RBFOX1: variants seen among roughly 807,000 people sequenced by gnomAD.
RBFOX1 encodes RNA binding protein fox-1 homolog 1.
In RBFOX1, 8 loss-of-function variants were observed where a neutral mutation model predicts 57.7. That is an observed-to-expected ratio of 0.14 (90% CI 0.08 to 0.25). RBFOX1 has a LOEUF of 0.25. Among genes scored for constraint, RBFOX1 ranks in the 10% least tolerant of loss-of-function variants. The pLI is 1.00. For missense variants in RBFOX1, 611 were observed against 548.5 expected (o/e 1.11, Z -1.14); for synonymous variants, 326 against 222.4 (o/e 1.47, Z -4.15).
rs181379322 is a variant in RBFOX1, at chr16:7,096,784, T to C, written c.27+44686T>C. ...CTATCTCTAGTAAAAATACAAAAAT[T>C]AGTTGGGAGTGATGGCTCTCCCCTG... On this transcript the variant is annotated intron_variant, in intron 4 of 15. Coordinates refer to ENST00000550418, the MANE Select transcript of RBFOX1 (RefSeq NM_018723.4). 5.3e-5 allele frequency among the ~76,000 whole-genome samples: 8 copies of C among 151,616 alleles called. No individual in the cohort carries two copies. The East Asian group carries it at 9.7e-4, about 18-fold the overall frequency.
intron 4 of RBFOX1, among the ~76,000 whole-genome samples, chr16:7,080,235 G>C (rs2058982863): frequency 5.9e-5 from 9 of 151,980 alleles, no homozygotes. Context: ...ACTGACCTCT[G>C]ATTTCATGCA....
intron 4 of RBFOX1, among the ~76,000 whole-genome samples, chr16:7,433,781 G>T (rs527543910): frequency 1.1e-3 from 171 of 152,100 alleles, no homozygotes; most frequent in African/African-American, 3.5e-3. Flanking sequence ...TATCCATCCA[G>T]CCAGCCAGCC....
At chr16:6,737,741 T>A (rs757256557) in intron 3 of RBFOX1, among the ~76,000 whole-genome samples, 1 of 152,178 alleles carries the variant, frequency 6.6e-6, no homozygotes. Context: ...AAATGATATA[T>A]GGGATTTAAA....
At position 5,317,135 on chromosome 16, in the gene RBFOX1, T is replaced by C. The variant is rs572153608; in HGVS notation, c.219+77030T>C. Among the ~76,000 whole-genome samples the C allele has an allele frequency of 1.1e-4, 17 of 152,268 alleles. No homozygotes were observed. In the East Asian group the frequency reaches 3.1e-3, roughly 28 times the overall value. On this transcript the variant is annotated intron_variant, in intron 1 of 2. Transcript: ENST00000585867. Reference sequence around the variant, plus strand: ...CTGGTTTTCCAGCATGTAGACAGCCTGTTGTGAGTCTTCTCAGCCTTTATA... The same window carrying C: ...CTGGTTTTCCAGCATGTAGACAGCCCGTTGTGAGTCTTCTCAGCCTTTATA...
chr16:6,229,427 A>G (rs2097441984), intron 1 of RBFOX1, among the ~76,000 whole-genome samples: 1 of 151,130 alleles, frequency 6.6e-6, no homozygotes, highest in African/African-American at 2.4e-5. Flanking sequence ...TACAGTTTCC[A>G]CCCTCCCTTT....
intron 1 of RBFOX1, among the ~76,000 whole-genome samples, chr16:5,324,873 A>T (rs2064519977): frequency 6.6e-6 from 1 of 152,176 alleles, no homozygotes; most frequent in Non-Finnish European, 1.5e-5. Flanking sequence ...ATCATTTACT[A>T]GACTTAGTGG....
intron 5 of RBFOX1, among the ~76,000 whole-genome samples, chr16:7,568,882 CAAAAAAAAA>C (rs34858992): frequency 1.3e-5 from 1 of 77,534 alleles, no homozygotes; most frequent in Non-Finnish European, 2.3e-5. Flanking sequence ...GACTCTGTCT[CAAAAAAAAA>C]AAAAAAAAAA....
At chr16:5,559,165 CAAAAAAA>C (rs35531242) in intron 2 of RBFOX1, among the ~76,000 whole-genome samples, 9 of 65,384 alleles carry the variant, frequency 1.4e-4, no homozygotes, top group South Asian at 1.2e-3. Context: ...CCCCCCCAGG[CAAAAAAA>C]AAAAAAAAAA....
chr16:7,257,036 A>C (rs2094716655), intron 4 of RBFOX1, among the ~76,000 whole-genome samples: 1 of 152,132 alleles, frequency 6.6e-6, no homozygotes, highest in Admixed American at 6.6e-5. Flanking sequence ...ACCCTCCTGG[A>C]GAATGGGATG....
chr16:6,416,410 A>G (rs2093625818), intron 2 of RBFOX1, among the ~76,000 whole-genome samples: 1 of 152,192 alleles, frequency 6.6e-6, no homozygotes, highest in Non-Finnish European at 1.5e-5. Flanking sequence ...CACAATGATG[A>G]GCAGGACAAA....
At chr16:6,081,856 CCTTGT>C (rs530239366) in intron 1 of RBFOX1, among the ~76,000 whole-genome samples, 5 of 152,118 alleles carry the variant, frequency 3.3e-5, no homozygotes, top group Non-Finnish European at 7.3e-5. Context: ...GAGTCCTAGT[CCTTGT>C]AATTGAGCCC....
intron 2 of RBFOX1, among the ~76,000 whole-genome samples, chr16:5,473,873 A>G (rs1240057427): frequency 1.4e-5 from 2 of 141,522 alleles, no homozygotes; most frequent in Admixed American, 1.4e-4. Flanking sequence ...GGATGGAAAG[A>G]CAGATGTAAG....
At chr16:5,485,754 A>G (rs1435006463) in intron 2 of RBFOX1, among the ~76,000 whole-genome samples, 1 of 152,234 alleles carries the variant, frequency 6.6e-6, no homozygotes, top group African/African-American at 2.4e-5. Context: ...AACACCGTCC[A>G]GAACTTCAAA....
intron 4 of RBFOX1, among the ~76,000 whole-genome samples, chr16:7,309,470 G>C (rs1391162381): frequency 6.6e-6 from 1 of 152,168 alleles, no homozygotes; most frequent in African/African-American, 2.4e-5. Flanking sequence ...CTGCCATTTT[G>C]AGGCAGTTTC....
chr16:7,655,808 T>C (rs1330328614), intron 12 of RBFOX1, among the ~76,000 whole-genome samples: 1 of 152,130 alleles, frequency 6.6e-6, no homozygotes, highest in Non-Finnish European at 1.5e-5. Flanking sequence ...AAAGAAACAA[T>C]AGAGGAAAAT....
intron 4 of RBFOX1, among the ~76,000 whole-genome samples, chr16:7,449,730 G>GC (rs112647196): frequency 1.2e-4 from 8 of 67,200 alleles, no homozygotes; most frequent in Admixed American, 6.9e-4. Context: ...GTGTGTGTGT[G>GC]GGGGGGGGGG....
intron 3 of RBFOX1, among the ~76,000 whole-genome samples, chr16:6,971,888 T>A (rs574448195): frequency 6.6e-6 from 1 of 152,178 alleles, no homozygotes; most frequent in African/African-American, 2.4e-5. Context: ...TGGTACCCTT[T>A]ACATCAGCAG....
chr16:7,432,126 C>T (rs2098686904), intron 4 of RBFOX1, among the ~76,000 whole-genome samples: 1 of 152,214 alleles, frequency 6.6e-6, no homozygotes, highest in African/African-American at 2.4e-5. Flanking sequence ...CTGTGCTGGT[C>T]ATCCAACTCA....
At chr16:5,553,508 G>C (rs887225912) in intron 2 of RBFOX1, among the ~76,000 whole-genome samples, 1 of 151,894 alleles carries the variant, frequency 6.6e-6, no homozygotes, top group African/African-American at 2.4e-5. Context: ...GTAGAGACAG[G>C]GTTTCACTGT....
Sources: allele counts gnomAD v4.1 joint callset (sites outside exome capture counted in the v4.1 genomes callset), GRCh38; gene constraint gnomAD v4.1.1; transcripts MANE v1.5; gene names NCBI Gene and HGNC (gene_info 2026-07-23, HGNC 2026-07-21).